Variants in THSD4 observed in about 807,000 individuals in gnomAD.
The protein encoded by THSD4 is thrombospondin type-1 domain-containing protein 4.
In THSD4, 69 loss-of-function variants were observed where a neutral mutation model predicts 119.0. The ratio of observed to expected loss-of-function variants is 0.58; its 90% CI spans 0.48 to 0.71. The LOEUF (loss-of-function observed/expected upper bound fraction) is 0.71, where lower values mean the gene tolerates loss of function less well. Ranked by LOEUF, THSD4 falls within the 30% of genes least tolerant of loss-of-function variation. THSD4 has a pLI of 0.00. For synonymous variants in THSD4, 524 were observed against 540.4 expected (o/e 0.97, Z 0.42); for missense variants, 1,393 against 1,391.1 (o/e 1.00, Z -0.02).
At chr15:71,628,852 C>T (rs1032360822) in intron 7 of THSD4, among the ~76,000 whole-genome samples, 7 of 152,186 alleles carry the variant, frequency 4.6e-5, no homozygotes, top group African/African-American at 1.7e-4. Flanking sequence ...AGGCACCAGC[C>T]AGGCATCCCC....
chr15:71,278,476 A>G (rs1018871392), intron 6 of THSD4, among the ~76,000 whole-genome samples: 1 of 152,246 alleles, frequency 6.6e-6, no homozygotes, highest in Non-Finnish European at 1.5e-5. Flanking sequence ...TAGGTGATTA[A>G]TAACTCACTT....
intron 3 of THSD4, among the ~76,000 whole-genome samples, chr15:71,214,330 T>A (rs1251982190): frequency 1.3e-5 from 2 of 152,222 alleles, no homozygotes; most frequent in Admixed American, 1.3e-4. Flanking sequence ...GAAGCTTTGT[T>A]CTTTTGCTCG....
chr15:71,608,249 T>TATATATACAC lies in THSD4; in HGVS notation c.1153-52280_1153-52279insTATATACACA, dbSNP rs772729777. On this transcript the variant is annotated intron_variant, in intron 7 of 17. Transcript: ENST00000261862. ...AAAAAAAAAAAAAAATATATATATA[T>TATATATACAC]ACACACACACACACACACACACACA... 2.4e-4 allele frequency among the ~76,000 whole-genome samples: 25 copies of TATATATACAC among 106,236 alleles called. No individual in the cohort carries two copies. The East Asian group carries it at 2.6e-3, about 11-fold the overall frequency. The allele number at this position is 106,236 out of a possible 152,430, so 69.7% of individuals were successfully genotyped here. A position where few individuals can be genotyped will look rare whatever the true frequency, so the allele number is the denominator to read the frequency against.
intron 5 of THSD4, among the ~76,000 whole-genome samples, chr15:71,249,223 T>C (rs1236360800): frequency 6.6e-6 from 1 of 152,276 alleles, no homozygotes; most frequent in East Asian, 1.9e-4. Context: ...ACATAACATG[T>C]GTGTGCATAT....
intron 14 of THSD4, among the ~76,000 whole-genome samples, chr15:71,753,112 TTACC>T (rs1254004625): frequency 6.6e-6 from 1 of 152,212 alleles, no homozygotes; most frequent in Non-Finnish European, 1.5e-5. Flanking sequence ...TAATTAATCT[TTACC>T]TAAGTGAATT....
At chr15:71,453,348 A>G (rs2140589175) in intron 7 of THSD4, among the ~76,000 whole-genome samples, 1 of 152,320 alleles carries the variant, frequency 6.6e-6, no homozygotes, top group Non-Finnish European at 1.5e-5. Context: ...CAGTTCTTAC[A>G]AGTTCAAAGT....
At chr15:71,436,034 G>C (rs747102460) in intron 7 of THSD4, among the ~76,000 whole-genome samples, 2 of 152,182 alleles carry the variant, frequency 1.3e-5, no homozygotes, top group African/African-American at 2.4e-5. Flanking sequence ...GAGACCAAGG[G>C]AGAATGCTCC....
At chr15:71,112,280 C>A (rs1433230347), upstream of THSD4, 3 of 1,520,206 alleles carry the variant, frequency 2.0e-6, no homozygotes, top group Non-Finnish European at 2.7e-6. Flanking sequence ...TCGTATGCAT[C>A]ATTTATCAAC....
chr15:71,768,560 A>AT (rs964263863), intron 16 of THSD4, among the ~76,000 whole-genome samples: 8,483 of 99,236 alleles, frequency 0.085, 679 homozygotes, highest in East Asian at 0.15. Context: ...GCAGATCCTG[A>AT]TTTTTTTTTT....
At chr15:71,206,329 A>G (rs1163221570) in intron 3 of THSD4, among the ~76,000 whole-genome samples, 5 of 152,128 alleles carry the variant, frequency 3.3e-5, no homozygotes, top group South Asian at 2.1e-4. Context: ...GAGATTCTCT[A>G]TGAAGTGGTC....
At chr15:71,312,414 T>C (rs1166859862) in intron 6 of THSD4, among the ~76,000 whole-genome samples, 2 of 151,970 alleles carry the variant, frequency 1.3e-5, no homozygotes, top group African/African-American at 2.4e-5. Flanking sequence ...ATCTGACTAT[T>C]GTGCTTTTAA....
intron 14 of THSD4, 123 bp downstream of exon 14, chr15:71,748,717 A>T (rs1415733996): frequency 9.8e-6 from 12 of 1,218,552 alleles, no homozygotes; most frequent in African/African-American, 1.5e-5. Flanking sequence ...GGGAAAAAAA[A>T]GGCCCAGAGA....
chr15:71,139,857 T>C (rs2141370046), intron 1 of THSD4, among the ~76,000 whole-genome samples: 1 of 152,358 alleles, frequency 6.6e-6, no homozygotes, highest in East Asian at 1.9e-4. Flanking sequence ...CCTTGGAACC[T>C]TGCTTCATTT....
chr15:71,762,174 CACACAGAGAT>C (rs2053637656), intron 15 of THSD4, among the ~76,000 whole-genome samples: 1 of 134,814 alleles, frequency 7.4e-6, no homozygotes, highest in African/African-American at 2.7e-5. Flanking sequence ...CACACACACA[CACACAGAGAT>C]AGAGATACAC....
At chr15:71,502,403 T>C (rs931351018) in intron 7 of THSD4, among the ~76,000 whole-genome samples, 8 of 152,216 alleles carry the variant, frequency 5.3e-5, no homozygotes, top group Non-Finnish European at 1.0e-4. Context: ...TTGCAAACTT[T>C]TATGGTAGAA....
At chr15:71,597,441 G>A (rs2049925543) in intron 7 of THSD4, among the ~76,000 whole-genome samples, 1 of 152,132 alleles carries the variant, frequency 6.6e-6, no homozygotes, top group Non-Finnish European at 1.5e-5. Context: ...ACATATACAT[G>A]CAGCTCTTCT....
chr15:71,659,980 G>T (rs757375428), intron 7 of THSD4, among the ~76,000 whole-genome samples: 1 of 152,190 alleles, frequency 6.6e-6, no homozygotes, highest in Admixed American at 6.5e-5. Context: ...GTGCTCTGGG[G>T]TAACCAAGGA....
Position 71,372,713 on chromosome 15 carries a change from A to G in THSD4, c.1016-38974A>G, listed in dbSNP as rs2046072648. Among the ~76,000 whole-genome samples the G allele has an allele frequency of 1.3e-5, 2 of 152,234 alleles. 1 individual carries two copies. The highest frequency in any genetic ancestry group is 3.9e-4 in the East Asian group (2 of 5,170). On this transcript the variant is annotated intron_variant, in intron 6 of 17. Transcript: ENST00000261862. ...CCGGGGGGTGCCTCCCAGTTAGGCT[A>G]CTCGGGGGTCAGGGACCCACTTGAG...
chr15:71,169,289 T>C (rs2043328702), intron 3 of THSD4, among the ~76,000 whole-genome samples: 1 of 152,176 alleles, frequency 6.6e-6, no homozygotes, highest in South Asian at 2.1e-4. Flanking sequence ...CCAGTGTTGG[T>C]GAGGATAGGA....
Sources: allele counts gnomAD v4.1 joint callset (sites outside exome capture counted in the v4.1 genomes callset), GRCh38; gene constraint gnomAD v4.1.1; transcripts MANE v1.5; gene names NCBI Gene and HGNC (gene_info 2026-07-23, HGNC 2026-07-21).